FGF13: variants seen among roughly 807,000 people sequenced by gnomAD.
FGF13 encodes the protein fibroblast growth factor homologous factor 2.
Under a neutral mutation model 19.5 loss-of-function variants are expected in FGF13, and 2 were observed. The ratio of observed to expected loss-of-function variants is 0.10; its 90% CI spans 0.04 to 0.32. The LOEUF (loss-of-function observed/expected upper bound fraction) is 0.32. Ranked by LOEUF, FGF13 falls within the 10% of genes least tolerant of loss-of-function variation. The pLI is 1.00. For synonymous variants in FGF13, 72 were observed against 76.9 expected, an observed-to-expected ratio of 0.94 and a Z score of 0.33; for missense variants, 113 against 192.7, an observed-to-expected ratio of 0.59 and a Z score of 2.45.
At chrX:138,814,427 A>C (rs754173607) in intron 3 of FGF13, among the ~76,000 whole-genome samples, 10 of 110,959 alleles carry the variant, frequency 9.0e-5, no homozygotes, top group Non-Finnish European at 1.5e-4. Context: ...TAACCTATGG[A>C]ATGGAAAAAA....
chrX:139,015,838 A>G (rs958843577), intron 1 of FGF13, among the ~76,000 whole-genome samples: 2 of 112,130 alleles, frequency 1.8e-5, no homozygotes. Context: ...TCAAAACAGC[A>G]TGGTACTGGC....
intron 3 of FGF13, among the ~76,000 whole-genome samples, chrX:138,692,704 G>A (rs913427705): frequency 9.2e-6 from 1 of 108,956 alleles, no homozygotes; most frequent in African/African-American, 3.3e-5. Context: ...TCTTATATGT[G>A]TGTGTGCATG....
chrX:138,828,524 C>T (rs1317642833), intron 3 of FGF13, among the ~76,000 whole-genome samples: 22 of 101,221 alleles, frequency 2.2e-4, no homozygotes, highest in African/African-American at 7.2e-4. Flanking sequence ...GAGCCGAGAT[C>T]GCGCCACTGC....
intron 3 of FGF13, among the ~76,000 whole-genome samples, chrX:138,647,774 T>C (rs1021154007): frequency 1.1e-4 from 12 of 112,313 alleles, no homozygotes; most frequent in African/African-American, 3.9e-4. Context: ...CACAGTAATA[T>C]AATATAAACC....
chrX:139,152,326 CA>C (rs760903352), intron 1 of FGF13, among the ~76,000 whole-genome samples: 69 of 80,969 alleles, frequency 8.5e-4, no homozygotes, highest in African/African-American at 2.2e-3. Context: ...AAAAAAAAAA[CA>C]AAAAAAAAAA....
intron 3 of FGF13, among the ~76,000 whole-genome samples, chrX:138,693,184 A>T (rs1222156573): frequency 8.9e-6 from 1 of 112,275 alleles, no homozygotes; most frequent in East Asian, 2.8e-4. Context: ...ACTTACATTA[A>T]TTGCAAAGAA....
chrX:138,812,284 T>C (rs765028903), intron 3 of FGF13, among the ~76,000 whole-genome samples: 2 of 112,196 alleles, frequency 1.8e-5, no homozygotes, highest in Non-Finnish European at 3.8e-5. Flanking sequence ...GCCCACATTA[T>C]CTTTACCCAT....
chrX:138,877,213 C>A (rs1317146388), intron 1 of FGF13, among the ~76,000 whole-genome samples: 1 of 107,589 alleles, frequency 9.3e-6, no homozygotes, highest in Non-Finnish European at 1.9e-5. Flanking sequence ...ACTGCACGTT[C>A]TGCACATGTA....
intron 1 of FGF13, among the ~76,000 whole-genome samples, chrX:138,867,472 G>A (rs2091333117): frequency 9.0e-6 from 1 of 110,554 alleles, no homozygotes; most frequent in Non-Finnish European, 1.9e-5. Context: ...TGGAAAGGAG[G>A]TTTAATGGAC....
intron 3 of FGF13, among the ~76,000 whole-genome samples, chrX:138,796,209 T>C (rs1336017616): frequency 9.1e-6 from 1 of 110,424 alleles, no homozygotes; most frequent in Non-Finnish European, 1.9e-5. Context: ...GTCCCAAGGC[T>C]CTCCCTCCCC....
chrX:138,677,183 T>C (rs1419140682), intron 3 of FGF13, among the ~76,000 whole-genome samples: 5 of 111,909 alleles, frequency 4.5e-5, no homozygotes, highest in Non-Finnish European at 9.4e-5. Flanking sequence ...TGTGGGATGG[T>C]AGCTTAAGAA....
chrX:139,134,733 C>T (rs892511217), intron 1 of FGF13, among the ~76,000 whole-genome samples: 1 of 111,773 alleles, frequency 8.9e-6, no homozygotes, highest in Non-Finnish European at 1.9e-5. Context: ...GTTGCAACCT[C>T]TGCCTCCCGG....
chrX:138,910,737 T>C (rs921931131), intron 1 of FGF13, among the ~76,000 whole-genome samples: 1 of 112,221 alleles, frequency 8.9e-6, no homozygotes, highest in African/African-American at 3.2e-5. Context: ...AATTAATTTA[T>C]TGAAAATTTA....
intron 2 of FGF13, among the ~76,000 whole-genome samples, chrX:138,864,272 T>C (rs189251473): frequency 8.9e-6 from 1 of 112,774 alleles, no homozygotes; most frequent in African/African-American, 3.2e-5. Flanking sequence ...CTATTCCATT[T>C]TGGAGAGTTT....
At chrX:139,055,471 G>C (rs1289445977) in intron 1 of FGF13, among the ~76,000 whole-genome samples, 1 of 112,306 alleles carries the variant, frequency 8.9e-6, no homozygotes, top group Non-Finnish European at 1.9e-5. Flanking sequence ...GGATGCAATG[G>C]GTGTGGCACC....
chrX:138,892,004 G>GTA (rs1428621652), intron 1 of FGF13, among the ~76,000 whole-genome samples: 1 of 97,930 alleles, frequency 1.0e-5, no homozygotes, highest in African/African-American at 4.7e-5. Context: ...ATATACATAT[G>GTA]TGTGTGTGTG....
At chrX:138,893,465 G>A (rs973503699) in intron 1 of FGF13, among the ~76,000 whole-genome samples, 5 of 110,927 alleles carry the variant, frequency 4.5e-5, no homozygotes, top group African/African-American at 1.6e-4. Context: ...CCATTTTAAA[G>A]ATAGGGAAGC....
At chrX:138,670,560 A>G (rs889669258) in intron 3 of FGF13, among the ~76,000 whole-genome samples, 8 of 111,994 alleles carry the variant, frequency 7.1e-5, no homozygotes, top group Admixed American at 3.8e-4. Flanking sequence ...ATGTGCGTAA[A>G]AAAGCAAGTT....
intron 1 of FGF13, among the ~76,000 whole-genome samples, chrX:139,016,503 T>C (rs1472657656): frequency 9.0e-6 from 1 of 111,620 alleles, no homozygotes; most frequent in Non-Finnish European, 1.9e-5. Context: ...ATATATAATT[T>C]AGTGATGGAG....
Sources: gnomAD v4.1 joint callset for allele counts (sites outside exome capture counted in the v4.1 genomes callset) on GRCh38, gnomAD v4.1.1 for gene constraint, MANE v1.5 for transcripts, NCBI Gene and HGNC (gene_info 2026-07-23, HGNC 2026-07-21) for gene names.